NCOR2: variants seen among roughly 807,000 people sequenced by gnomAD.
NCOR2 encodes CTG repeat protein 26.
NCOR2 carries 81 observed loss-of-function variants against 262.9 expected under a neutral mutation model. That is an observed-to-expected ratio of 0.31 (90% confidence interval 0.26 to 0.37). NCOR2 has a LOEUF of 0.37. Among genes scored for constraint, NCOR2 ranks in the 10% least tolerant of loss-of-function variants. The pLI is 1.00. For missense variants in NCOR2, 3,385 were observed against 3,621.4 expected, an observed-to-expected ratio of 0.93 and a Z score of 1.68; for synonymous variants, 1,659 against 1,559.3, an observed-to-expected ratio of 1.06 and a Z score of -1.51.
intron 16 of NCOR2, among the ~76,000 whole-genome samples, chr12:124,387,405 A>G (rs1005205307): frequency 6.6e-6 from 1 of 152,202 alleles, no homozygotes. Flanking sequence ...CCTTGCTGTC[A>G]TGGCTGTGAC....
chr12:124,398,451 C>T (rs947786376), intron 15 of NCOR2, among the ~76,000 whole-genome samples: 6 of 152,230 alleles, frequency 3.9e-5, no homozygotes, highest in Non-Finnish European at 7.3e-5. Flanking sequence ...CCACACAAGC[C>T]GCTGAAGTCG....
intron 1 of NCOR2, among the ~76,000 whole-genome samples, chr12:124,526,192 G>GAC (rs1278388418): frequency 6.6e-6 from 1 of 152,112 alleles, no homozygotes; most frequent in African/African-American, 2.4e-5. Flanking sequence ...GAACACCATG[G>GAC]ACACACACAA....
intron 28 of NCOR2, among the ~76,000 whole-genome samples, chr12:124,349,913 A>G (rs1013167725): frequency 2.0e-5 from 3 of 152,148 alleles, no homozygotes; most frequent in Non-Finnish European, 2.9e-5. Context: ...GGCAGCAGGG[A>G]GTGCATTATG....
chr12:124,422,174 C>T (rs1241251675), intron 12 of NCOR2, among the ~76,000 whole-genome samples: 1 of 152,240 alleles, frequency 6.6e-6, no homozygotes, highest in Non-Finnish European at 1.5e-5. Context: ...CTCCACGTGG[C>T]CTTTGAGGAG....
rs945862940 is a variant in NCOR2 at position 124,528,381 on chromosome 12, G to A, written c.-118+7184C>T. Among the ~76,000 whole-genome samples the A allele has an allele frequency of 1.3e-4, 20 of 152,128 alleles. 1 individual carries two copies. The highest frequency in any genetic ancestry group is 4.1e-4 in the African/African-American group (17 of 41,400). ...ATTTAATTTACAGGCCTCCTTCCCC[G>A]AAAAGTCATCTTAGCTGACACCCCT... On this transcript the variant is annotated intron_variant, in intron 1 of 46. Coordinates refer to the NCOR2 transcript ENST00000404621.
intron 38 of NCOR2, 192 bp downstream of exon 40, chr12:124,336,561 G>T (rs987824311): frequency 2.1e-6 from 2 of 967,714 alleles, no homozygotes; most frequent in Non-Finnish European, 2.5e-6. Flanking sequence ...CAAAAAAAAC[G>T]GGGGCCAAAG....
At chr12:124,544,096 C>CCGGGGAGCCCCAG (rs1425965150) in intron 1 of NCOR2, among the ~76,000 whole-genome samples, 1 of 152,206 alleles carries the variant, frequency 6.6e-6, no homozygotes, top group African/African-American at 2.4e-5. Flanking sequence ...CACCCCCTGC[C>CCGGGGAGCCCCAG]CGGGGAGCCC....
intron 16 of NCOR2, among the ~76,000 whole-genome samples, chr12:124,386,970 G>A (rs932324407): frequency 1.3e-5 from 2 of 152,252 alleles, no homozygotes; most frequent in Admixed American, 6.5e-5. Context: ...GGGTCTGTGC[G>A]GCAAGAGGGT....
At chr12:124,340,415 G>A (rs753082930) in exon 36 of NCOR2, 1 of 1,612,968 alleles carries the variant, frequency 6.2e-7, no homozygotes, top group Non-Finnish European at 8.5e-7. Flanking sequence ...AGGACGTGGT[G>A]GTTGGTTTTG....
At chr12:124,555,296 G>A (rs1054692480) in intron 1 of NCOR2, among the ~76,000 whole-genome samples, 6 of 152,084 alleles carry the variant, frequency 3.9e-5, no homozygotes, top group African/African-American at 9.7e-5. Flanking sequence ...AGACAGCAAC[G>A]CTGGGGCAGG....
intron 11 of NCOR2, among the ~76,000 whole-genome samples, chr12:124,424,863 C>T (rs7311618): frequency 0.026 from 3,969 of 152,296 alleles, 175 homozygotes; most frequent in African/African-American, 0.09. Flanking sequence ...TGCGTCCCCT[C>T]CTGGCCAAGC....
chr12:124,347,748 C>A, intron 30 of NCOR2, 77 bp downstream of exon 32: 2 of 1,432,808 alleles, frequency 1.4e-6, no homozygotes, highest in Non-Finnish European at 1.9e-6. Flanking sequence ...CACACTCTGG[C>A]TGTGTCTCTC....
upstream of NCOR2, among the ~76,000 whole-genome samples, chr12:124,495,562 T>A (rs970336410): frequency 6.6e-6 from 1 of 151,558 alleles, no homozygotes; most frequent in African/African-American, 2.4e-5. The surrounding 1 kb of genome is among the most constrained non-coding windows in gnomAD (Gnocchi z 4.4). Context: ...GCATTCAAGG[T>A]CCCTCCGAGC....
intron 7 of NCOR2, among the ~76,000 whole-genome samples, chr12:124,439,082 A>AG (rs1565945247): frequency 2.1e-3 from 27 of 12,624 alleles, no homozygotes; most frequent in East Asian, 4.6e-3. Context: ...CAGAGAGAGA[A>AG]ACAGAGACCC....
intron 27 of NCOR2, among the ~76,000 whole-genome samples, chr12:124,352,999 C>T (rs992401855): frequency 6.6e-6 from 1 of 152,218 alleles, no homozygotes; most frequent in African/African-American, 2.4e-5. Flanking sequence ...GCGTGCAGGC[C>T]ACACGCTGAC....
intron 26 of NCOR2, 56 bp downstream of exon 28, chr12:124,354,422 T>C (rs921980817): frequency 2.1e-6 from 3 of 1,413,980 alleles, no homozygotes; most frequent in South Asian, 2.9e-5. Context: ...AAGGGCCCTT[T>C]GGGCACCCGA....
rs1317962150 is a variant in NCOR2, at chr12:124,503,741, T to C, written c.-117-8373A>G. Among the ~76,000 whole-genome samples the C allele has an allele frequency of 2.7e-5, 4 of 147,636 alleles. No homozygotes were observed. Among genetic ancestry groups the C allele is most frequent in the Admixed American group, 1.3e-4 (2 of 14,902 alleles). On this transcript the variant is annotated intron_variant, in intron 1 of 46. Coordinates refer to the NCOR2 transcript ENST00000404621. The surrounding 1 kb of genome is among the most constrained non-coding windows in gnomAD (Gnocchi z 4.3). Reference sequence around the variant, plus strand: ...ACGAATGGATGGATGGATGGACGGATGGATGCATGGATGCATGGATGGATG... The same window carrying C: ...ACGAATGGATGGATGGATGGACGGACGGATGCATGGATGCATGGATGGATG...
chr12:124,513,977 G>A (rs2137037373), intron 1 of NCOR2: 2 of 152,370 alleles, frequency 1.3e-5, no homozygotes, highest in Admixed American at 6.5e-5. Flanking sequence ...CCCCGTGGAA[G>A]ACACTGAGTC....
intron 8 of NCOR2, among the ~76,000 whole-genome samples, chr12:124,434,302 A>G (rs1316469661): frequency 2.0e-5 from 3 of 152,128 alleles, no homozygotes; most frequent in Admixed American, 6.5e-5. Flanking sequence ...ACTGAAATCA[A>G]TGAAGTCAGG....
Sources: gnomAD v4.1 joint callset for allele counts (sites outside exome capture counted in the v4.1 genomes callset) on GRCh38, gnomAD v4.1.1 for gene constraint, Gnocchi (gnomAD v3.1) non-coding constraint, MANE v1.5 for transcripts, NCBI Gene and HGNC (gene_info 2026-07-23, HGNC 2026-07-21) for gene names.